The following RORA variants were observed in gnomAD, a reference collection of about 807,000 sequenced individuals.
RORA encodes RAR related orphan receptor A.
In RORA, 7 loss-of-function variants were observed where a neutral mutation model predicts 69.5. That is an observed-to-expected ratio of 0.10 (90% CI 0.06 to 0.19). RORA has a LOEUF of 0.19. Among genes scored for constraint, RORA ranks in the 10% least tolerant of loss-of-function variants. The probability of loss-of-function intolerance (pLI) is 1.00; values close to 1 mark genes in which losing one functional copy is unlikely to be tolerated. For synonymous variants in RORA, 261 were observed against 240.8 expected (o/e 1.08, Z -0.78); for missense variants, 457 against 663.0 (o/e 0.69, Z 3.41).
At chr15:60,787,883 C>G in intron 1 of RORA, among the ~76,000 whole-genome samples, 1 of 152,220 alleles carries the variant, frequency 6.6e-6, no homozygotes, top group South Asian at 2.1e-4. Context: ...TATTAACATT[C>G]AACAAATACT....
At chr15:60,872,663 C>A (rs2073569729) in intron 1 of RORA, among the ~76,000 whole-genome samples, 1 of 152,158 alleles carries the variant, frequency 6.6e-6, no homozygotes, top group Admixed American at 6.5e-5. Context: ...AATGCTAGCA[C>A]CACCACTTGT....
chr15:60,853,127 T>C (rs945682282), intron 1 of RORA, among the ~76,000 whole-genome samples: 1 of 152,146 alleles, frequency 6.6e-6, no homozygotes, highest in Non-Finnish European at 1.5e-5. Flanking sequence ...ACCAGGCAGA[T>C]CCACACGGTA....
At chr15:60,714,484 C>T (rs2071193547) in intron 1 of RORA, among the ~76,000 whole-genome samples, 1 of 152,042 alleles carries the variant, frequency 6.6e-6, no homozygotes, top group Admixed American at 6.5e-5. Flanking sequence ...CCTGCCTCAG[C>T]CTCCCTAGTA....
chr15:60,857,585 C>T (rs980835209), intron 1 of RORA, among the ~76,000 whole-genome samples: 1 of 151,988 alleles, frequency 6.6e-6, no homozygotes, highest in Non-Finnish European at 1.5e-5. Flanking sequence ...CAGCTGGCAT[C>T]AAGACTCAGC....
At chr15:61,117,216 C>A (rs2079058763) in intron 1 of RORA, among the ~76,000 whole-genome samples, 3 of 141,160 alleles carry the variant, frequency 2.1e-5, no homozygotes, top group South Asian at 2.2e-4. Context: ...CCTCAGCCAA[C>A]AAATCTGATT....
chr15:60,879,386 A>G (rs1311177142), intron 1 of RORA, among the ~76,000 whole-genome samples: 1 of 152,010 alleles, frequency 6.6e-6, no homozygotes, highest in Non-Finnish European at 1.5e-5. Context: ...ACTGTTGGGT[A>G]GAGTATATGA....
At chr15:60,992,679 C>T (rs1368452009) in intron 1 of RORA, among the ~76,000 whole-genome samples, 4 of 139,084 alleles carry the variant, frequency 2.9e-5, no homozygotes, top group African/African-American at 5.1e-5. Flanking sequence ...GCCTCTGACA[C>T]CGTGGATGTT....
At chr15:60,873,452 G>A (rs974584367) in intron 1 of RORA, among the ~76,000 whole-genome samples, 18 of 152,108 alleles carry the variant, frequency 1.2e-4, no homozygotes, top group Admixed American at 2.6e-4. Context: ...GGGATTACAT[G>A]TTAAAAGTTA....
intron 1 of RORA, among the ~76,000 whole-genome samples, chr15:61,109,072 T>A (rs2078978662): frequency 6.6e-6 from 1 of 152,170 alleles, no homozygotes; most frequent in Admixed American, 6.5e-5. Context: ...GGTGCACGCC[T>A]GTAATCCCAT....
intron 1 of RORA, among the ~76,000 whole-genome samples, chr15:61,073,958 A>G (rs1018165161): frequency 2.0e-5 from 3 of 152,190 alleles, no homozygotes; most frequent in African/African-American, 7.2e-5. Context: ...ATAAGATACT[A>G]TTTCCTTCAT....
intron 1 of RORA, among the ~76,000 whole-genome samples, chr15:61,033,717 TA>T (rs35429973): frequency 0.99 from 151,290 of 152,234 alleles, 75,186 homozygotes; most frequent in Middle Eastern, 1. Context: ...AGATGTGCTG[TA>T]AAGTGCATAC....
At chr15:60,861,740 G>A (rs1352664125) in intron 1 of RORA, among the ~76,000 whole-genome samples, 1 of 152,164 alleles carries the variant, frequency 6.6e-6, no homozygotes, top group Non-Finnish European at 1.5e-5. Context: ...TCCTCTTCGT[G>A]TAATTTGACA....
intron 2 of RORA, among the ~76,000 whole-genome samples, chr15:60,561,242 C>T (rs905289191): frequency 4.6e-5 from 7 of 151,440 alleles, no homozygotes; most frequent in East Asian, 3.9e-4. Context: ...CTACCACGCC[C>T]GGCTAATTTT....
chr15:60,903,165 T>G (rs779009505), intron 1 of RORA, among the ~76,000 whole-genome samples: 1 of 152,070 alleles, frequency 6.6e-6, no homozygotes, highest in Non-Finnish European at 1.5e-5. Flanking sequence ...AGGCTTGAAA[T>G]TTATATTAGT....
chr15:60,654,069 G>A (rs1290947359), intron 2 of RORA, among the ~76,000 whole-genome samples: 1 of 152,256 alleles, frequency 6.6e-6, no homozygotes, highest in East Asian at 1.9e-4. Context: ...AGATAGCTGG[G>A]ATTTAGCATG....
intron 2 of RORA, among the ~76,000 whole-genome samples, chr15:60,576,000 A>G (rs2068014448): frequency 6.6e-6 from 1 of 152,164 alleles, no homozygotes; most frequent in African/African-American, 2.4e-5. Context: ...CCAAGAACAG[A>G]GCGTGGCTTG....
chr15:61,176,839 C>T (rs977739329), intron 1 of RORA, among the ~76,000 whole-genome samples: 4 of 152,072 alleles, frequency 2.6e-5, no homozygotes, highest in South Asian at 2.1e-4. Flanking sequence ...GTTAAAATTA[C>T]GGCATTTATA....
chr15:60,843,264 G>A (rs940643278), intron 1 of RORA, among the ~76,000 whole-genome samples: 2 of 152,158 alleles, frequency 1.3e-5, no homozygotes, highest in Non-Finnish European at 2.9e-5. Context: ...TCAGTCTCCT[G>A]CACTCTAACT....
rs537816982 is a variant in RORA, at chr15:61,190,197, G to A, written c.166+38856C>T. Reference sequence around the variant, plus strand: ...TGGTCCAGAAAAAAAAAAAATCAGTGTGTCTTGCTGTAAGAACATCAGTGT... The same window carrying A: ...TGGTCCAGAAAAAAAAAAAATCAGTATGTCTTGCTGTAAGAACATCAGTGT... On this transcript the variant is annotated intron_variant, in intron 1 of 10. Coordinates refer to ENST00000335670, the MANE Select transcript of RORA (RefSeq NM_134261.3). 3.9e-5 allele frequency among the ~76,000 whole-genome samples: 6 copies of A among 152,078 alleles called. No homozygotes were observed. The East Asian group carries it at 1.2e-3, about 29-fold the overall frequency.
Sources: gnomAD v4.1 joint callset for allele counts (sites outside exome capture counted in the v4.1 genomes callset) on GRCh38, gnomAD v4.1.1 for gene constraint, MANE v1.5 for transcripts, NCBI Gene and HGNC (gene_info 2026-07-23, HGNC 2026-07-21) for gene names.